Variants in SMIM21 observed in about 807,000 individuals in gnomAD.
SMIM21 encodes chromosome 18 open reading frame 62.
A neutral mutation model predicts 8.6 loss-of-function variants in SMIM21; 8 were observed. The ratio of observed to expected loss-of-function variants is 0.93; its 90% CI spans 0.55 to 1.68. The LOEUF (loss-of-function observed/expected upper bound fraction) is 1.68. Ranked by LOEUF, SMIM21 falls within the 40% of genes most tolerant of loss-of-function variation. The pLI is 0.00. For synonymous variants in SMIM21, 43 were observed against 41.7 expected, an observed-to-expected ratio of 1.03 and a Z score of -0.12; for missense variants, 132 against 123.0, an observed-to-expected ratio of 1.07 and a Z score of -0.35.
chr18:75,414,075 TCA>T lies in SMIM21; in HGVS notation c.261-3168_261-3167del, dbSNP rs74180809. Among the ~76,000 whole-genome samples the T allele has an allele frequency of 7.2e-4, 91 of 125,954 alleles. 2 individuals are homozygous for T. Among genetic ancestry groups the T allele is most frequent in the East Asian group, 2.3e-3 (7 of 3,014 alleles). The allele number at this position is 125,954 out of a possible 152,430, so 82.6% of individuals were successfully genotyped here. On this transcript the variant is annotated intron_variant, in intron 2 of 2. Transcript: ENST00000579022. ...GCCTAGGAGTCTCTCTCTCTCTGTC[TCA>T]CACACACACACACACACACATACAC...
Position 75,409,568 on chromosome 18 carries a change from TG to T in SMIM21, c.*1295del, listed in dbSNP as rs1341502697. 6.6e-6 allele frequency: 1 copy of T among 152,192 alleles called. No homozygotes were observed. The highest frequency in any genetic ancestry group is 6.5e-5 in the Admixed American group (1 of 15,278). The allele number at this position is 152,192 out of a possible 1,614,324, so 9.4% of individuals were successfully genotyped here. ...ACCATCCATTCATTGTTGACCTCAC[TG>T]GGTTCACGTGTGATGCAGCGCAATG... is the stretch of plus-strand genomic sequence containing the variant. On this transcript the variant is annotated 3_prime_UTR_variant, in exon 3 of 3. Coordinates refer to ENST00000579022, the MANE Select transcript of SMIM21 (RefSeq NM_001037331.3).
chr18:75,415,622 C>T (rs1282811201), intron 2 of SMIM21, among the ~76,000 whole-genome samples: 1 of 152,250 alleles, frequency 6.6e-6, no homozygotes, highest in Non-Finnish European at 1.5e-5. Flanking sequence ...CCACTAACAA[C>T]TCTGAGGGTC....
Position 75,427,662 on chromosome 18 carries a change from G to T in SMIM21, c.-99C>A. The T allele has an allele frequency of 7.6e-7, 1 of 1,322,962 alleles. No individual in the cohort carries two copies. Among genetic ancestry groups the T allele is most frequent in the East Asian group, 2.5e-5 (1 of 40,774 alleles). 82.0% of individuals were successfully genotyped at this position (1,322,962 alleles called of 1,614,324 possible). A position where few individuals can be genotyped will look rare whatever the true frequency, so the allele number is the denominator to read the frequency against. On this transcript the variant is annotated 5_prime_UTR_variant, in exon 1 of 3. Coordinates refer to ENST00000579022, the MANE Select transcript of SMIM21 (RefSeq NM_001037331.3). Reference sequence around the variant, plus strand: ...TAAGACCTGGTAACTAAGTTCCCAAGGAGCTTTTCTCTTCTTTGCCAACCT... The same window carrying T: ...TAAGACCTGGTAACTAAGTTCCCAATGAGCTTTTCTCTTCTTTGCCAACCT...
Position 75,426,449 on chromosome 18 carries a change from A to G in SMIM21, c.129+986T>C, listed in dbSNP as rs892918972. Among the ~76,000 whole-genome samples the G allele has an allele frequency of 5.9e-5, 9 of 151,898 alleles. No individual in the cohort carries two copies. The East Asian group carries it at 1.6e-3, about 26-fold the overall frequency. On this transcript the variant is annotated intron_variant, in intron 1 of 2. Transcript: ENST00000579022. ...CTCAGCCTCCCAAGTAGCTGGGACTACAAGTGCCCGCCACCACGACTGGCT... is the reference window on the plus strand; with the variant it reads ...CTCAGCCTCCCAAGTAGCTGGGACTGCAAGTGCCCGCCACCACGACTGGCT...
At chr18:75,413,578 TA>T (rs1352273636) in intron 2 of SMIM21, among the ~76,000 whole-genome samples, 1 of 152,216 alleles carries the variant, frequency 6.6e-6, no homozygotes, top group Non-Finnish European at 1.5e-5. Flanking sequence ...ACAGGACACA[TA>T]AGGCCATTCG....
intron 1 of SMIM21, among the ~76,000 whole-genome samples, chr18:75,426,616 A>C: frequency 7.8e-6 from 1 of 128,088 alleles, no homozygotes. Flanking sequence ...GCCCTAGACC[A>C]TTACTTTTAA....
At chr18:75,419,830 T>C (rs1171254883) in intron 1 of SMIM21, among the ~76,000 whole-genome samples, 1 of 152,178 alleles carries the variant, frequency 6.6e-6, no homozygotes, top group Non-Finnish European at 1.5e-5. Context: ...CCTTATCCTT[T>C]CTGTGGCTGG....
At chr18:75,411,252 C>T (rs757380336) in intron 2 of SMIM21, among the ~76,000 whole-genome samples, 2 of 152,156 alleles carry the variant, frequency 1.3e-5, no homozygotes, top group Non-Finnish European at 2.9e-5. Flanking sequence ...CGAGTATATG[C>T]GAACTCTGAA....
chr18:75,420,146 T>A (rs1221686686), intron 1 of SMIM21, among the ~76,000 whole-genome samples: 1 of 152,244 alleles, frequency 6.6e-6, no homozygotes, highest in Admixed American at 6.5e-5. Flanking sequence ...CTCGCCTTGC[T>A]GCTGGAGTAT....
chr18:75,421,639 C>G (rs1233320215), intron 1 of SMIM21, among the ~76,000 whole-genome samples: 2 of 152,020 alleles, frequency 1.3e-5, no homozygotes, highest in African/African-American at 4.8e-5. Context: ...TGTAAGATAC[C>G]CAAGAACTTT....
At position 75,410,676 on chromosome 18, in the gene SMIM21, C is replaced by G; in HGVS notation, c.*188G>C. 2.2e-6 allele frequency: 3 copies of G among 1,392,962 alleles called. No homozygotes were observed. The highest frequency in any genetic ancestry group is 2.8e-6 in the Non-Finnish European group (3 of 1,072,706). The allele number at this position is 1,392,962 out of a possible 1,614,324, so 86.3% of individuals were successfully genotyped here. ...CCTGAACAGAAAAAGGAAGAGTGCC[C>G]CTCAAGAACAAAGCAGACATTATCA... is the stretch of plus-strand genomic sequence containing the variant. On this transcript the variant is annotated 3_prime_UTR_variant, in exon 3 of 3. Coordinates refer to ENST00000579022, the MANE Select transcript of SMIM21 (RefSeq NM_001037331.3).
intron 1 of SMIM21, among the ~76,000 whole-genome samples, chr18:75,421,608 A>G (rs1218052455): frequency 2.0e-5 from 3 of 152,138 alleles, no homozygotes; most frequent in Admixed American, 6.5e-5. Flanking sequence ...GGTGGGGAAC[A>G]TGACAGGAAT....
chr18:75,424,760 T>C (rs920233235), intron 1 of SMIM21, among the ~76,000 whole-genome samples: 3 of 152,222 alleles, frequency 2.0e-5, no homozygotes, highest in Admixed American at 2.0e-4. Flanking sequence ...CAATGAACAC[T>C]TCTTTCTTAT....
In SMIM21 at chr18:75,410,871, G is replaced by C; in HGVS notation, c.299C>G (p.Ala100Gly). The change falls in exon 3 of 3, where the codon GCA becomes GGA. Residue 100 changes from alanine (A) to glycine (G), a missense_variant. Coordinates refer to ENST00000579022, the MANE Select transcript of SMIM21 (RefSeq NM_001037331.3). Reference sequence around the variant, plus strand: ...AGAGAAACGTAGTGTCATTTATTCTGCTTCTGCTGTGTTCCTGGATGACTT... The same window carrying C: ...AGAGAAACGTAGTGTCATTTATTCTCCTTCTGCTGTGTTCCTGGATGACTT... ...RLKSSRNTAE[A>G]E The C allele has an allele frequency of 6.2e-7, 1 of 1,614,122 alleles. No homozygotes were observed. The highest frequency in any genetic ancestry group is 8.5e-7 in the Non-Finnish European group (1 of 1,180,030).
intron 2 of SMIM21, chr18:75,416,541 A>G (rs979245878): frequency 6.6e-6 from 1 of 151,970 alleles, no homozygotes; most frequent in Admixed American, 6.6e-5. Flanking sequence ...CCTTTTGTTT[A>G]CTCTCACTGC....
At chr18:75,427,334 A>G in intron 1 of SMIM21, 101 bp downstream of exon 1, 1 of 1,275,114 alleles carries the variant, frequency 7.8e-7, no homozygotes, top group Non-Finnish European at 1.1e-6. Context: ...TGAGAGACAG[A>G]GCACTCACAG....
rs891201975 is a variant in SMIM21 at position 75,418,885 on chromosome 18, G to A, written c.161C>T (p.Thr54Ile). The A allele has an allele frequency of 3.1e-6, 5 of 1,602,056 alleles. No individual in the cohort carries two copies. Among genetic ancestry groups the A allele is most frequent in the South Asian group, 1.1e-5 (1 of 90,770 alleles). ...CATCACATGGAAAAGAACCAACAAT[G>A]TGAAGAAACGAATATGGTGTTCATT... ...FENEHHIRFF[T>I]LLVLFHVMVL... The change falls in exon 2 of 3, where the codon ACA becomes ATA. Residue 54 changes from threonine (T) to isoleucine (I), a missense_variant. Thr to Ile is a moderately conservative substitution (Grantham distance 89). Transcript: ENST00000579022.
chr18:75,411,307 ATAG>A (rs990838052), intron 2 of SMIM21, among the ~76,000 whole-genome samples: 2 of 152,248 alleles, frequency 1.3e-5, no homozygotes, highest in African/African-American at 2.4e-5. Context: ...CAGCACCAAA[ATAG>A]TAGACCAGTC....
Sources: gnomAD v4.1 joint callset for allele counts (sites outside exome capture counted in the v4.1 genomes callset) on GRCh38, gnomAD v4.1.1 for gene constraint, MANE v1.5 for transcripts, NCBI Gene and HGNC (gene_info 2026-07-23, HGNC 2026-07-21) for gene names.